The following LRRTM4 variants were observed in gnomAD, a reference collection of about 807,000 sequenced individuals.
LRRTM4 encodes the protein leucine rich repeat transmembrane neuronal 4.
A neutral mutation model predicts 47.6 loss-of-function variants in LRRTM4; 25 were observed. The ratio of observed to expected loss-of-function variants is 0.53; its 90% CI spans 0.38 to 0.73. The LOEUF (loss-of-function observed/expected upper bound fraction) is 0.73, where lower values mean the gene tolerates loss of function less well. Ranked by LOEUF, LRRTM4 falls within the 30% of genes least tolerant of loss-of-function variation. LRRTM4 has a pLI of 0.00. For synonymous variants in LRRTM4, 311 were observed against 269.5 expected, an observed-to-expected ratio of 1.15 and a Z score of -1.51; for missense variants, 638 against 713.4, an observed-to-expected ratio of 0.89 and a Z score of 1.20.
rs1290741954 is a variant in LRRTM4 at position 77,109,838 on chromosome 2, A to T, written c.1552-360922T>A. On this transcript the variant is annotated intron_variant, in intron 3 of 3. Transcript: ENST00000409884. ...ACAATTGGAAAAATGAAATAAGAGA[A>T]CATTTAGAACTGAAAAATATAATAA... 1.2e-4 allele frequency among the ~76,000 whole-genome samples: 19 copies of T among 152,136 alleles called. 1 individual carries two copies. The highest frequency in any genetic ancestry group is 1.2e-3 in the Admixed American group (19 of 15,280).
At chr2:76,883,777 G>C (rs1276787472) in intron 3 of LRRTM4, among the ~76,000 whole-genome samples, 2 of 152,098 alleles carry the variant, frequency 1.3e-5, no homozygotes, top group Non-Finnish European at 2.9e-5. Context: ...AACTAAAATA[G>C]AGCACTGCAG....
At chr2:77,367,664 G>T (rs1045056986) in intron 3 of LRRTM4, among the ~76,000 whole-genome samples, 3 of 151,780 alleles carry the variant, frequency 2.0e-5, no homozygotes, top group Admixed American at 1.3e-4. Flanking sequence ...AAGAACAGAG[G>T]AAATTACAGA....
chr2:77,456,863 C>T (rs1261494047), intron 3 of LRRTM4, among the ~76,000 whole-genome samples: 1 of 150,418 alleles, frequency 6.6e-6, no homozygotes, highest in Non-Finnish European at 1.5e-5. Context: ...CTTCATTTTC[C>T]CTCATCTTCC....
At chr2:76,883,813 A>C (rs1672995856) in intron 3 of LRRTM4, among the ~76,000 whole-genome samples, 1 of 152,162 alleles carries the variant, frequency 6.6e-6, no homozygotes, top group Admixed American at 6.5e-5. Context: ...TTGTGAATTG[A>C]CTGGGAGAAA....
At position 76,747,707 on chromosome 2, in the gene LRRTM4, AC is replaced by A. The variant is rs1425450353; in HGVS notation, c.*987del. On this transcript the variant is annotated 3_prime_UTR_variant, in exon 4 of 4. Transcript: ENST00000409884. ...GCATTAGGTGGGCTGTGGTATACCA[AC>A]CACAAAATAATATATTTATTTTTCA... 2 of 152,222 alleles carry A rather than the reference AC, an allele frequency of 1.3e-5. No homozygotes were observed. The highest frequency in any genetic ancestry group is 4.8e-5 in the African/African-American group (2 of 41,450). The allele number at this position is 152,222 out of a possible 1,614,324, so 9.4% of individuals were successfully genotyped here.
intron 3 of LRRTM4, among the ~76,000 whole-genome samples, chr2:77,219,993 T>C (rs1435848649): frequency 6.6e-6 from 1 of 152,088 alleles, no homozygotes; most frequent in African/African-American, 2.4e-5. Flanking sequence ...GGCCGGATAC[T>C]CCTCTGAGAC....
At chr2:77,492,549 G>T (rs1430891214) in intron 3 of LRRTM4, among the ~76,000 whole-genome samples, 1 of 152,088 alleles carries the variant, frequency 6.6e-6, no homozygotes, top group Admixed American at 6.6e-5. Context: ...GTGAGCCACT[G>T]CACCTAGCTT....
chr2:76,860,319 A>C lies in LRRTM4; in HGVS notation c.1552-111403T>G, dbSNP rs532197362. ...CAACAAAAAGCAGTCAGAACAGTCC[A>C]TGTTACTAATTTGATATTCGATGAT... On this transcript the variant is annotated intron_variant, in intron 3 of 3. Transcript: ENST00000409884. Among the ~76,000 whole-genome samples, 86 of 152,320 alleles carry C rather than the reference A, an allele frequency of 5.6e-4. No homozygotes were observed. The South Asian group carries it at 9.9e-3, about 18-fold the overall frequency.
At chr2:76,796,976 A>T (rs996148169) in intron 3 of LRRTM4, among the ~76,000 whole-genome samples, 85 of 152,238 alleles carry the variant, frequency 5.6e-4, no homozygotes, top group African/African-American at 2.0e-3. Context: ...GAAAAGACCA[A>T]ATCTACATCT....
intron 3 of LRRTM4, among the ~76,000 whole-genome samples, chr2:77,406,679 T>A (rs1296861273): frequency 6.6e-6 from 1 of 152,160 alleles, no homozygotes; most frequent in Non-Finnish European, 1.5e-5. Context: ...TAGGTGTTAC[T>A]ATTATCATTG....
At chr2:77,305,641 G>A (rs982022255) in intron 3 of LRRTM4, among the ~76,000 whole-genome samples, 24 of 152,198 alleles carry the variant, frequency 1.6e-4, no homozygotes, top group African/African-American at 5.8e-4. Flanking sequence ...GCATATCCAT[G>A]TGTTACTGCA....
At chr2:77,101,528 G>A (rs1229597488) in intron 3 of LRRTM4, among the ~76,000 whole-genome samples, 1 of 152,108 alleles carries the variant, frequency 6.6e-6, no homozygotes, top group Non-Finnish European at 1.5e-5. Context: ...ACCTCCACCT[G>A]ACACCTGAAC....
chr2:76,785,178 A>G (rs1306028705), intron 3 of LRRTM4, among the ~76,000 whole-genome samples: 2 of 152,148 alleles, frequency 1.3e-5, no homozygotes, highest in Non-Finnish European at 2.9e-5. Context: ...TTGTATTGGC[A>G]TTTGCAATTG....
chr2:77,106,527 T>G (rs1287045440), intron 3 of LRRTM4, among the ~76,000 whole-genome samples: 1 of 151,990 alleles, frequency 6.6e-6, no homozygotes. Flanking sequence ...ATACTGGAAT[T>G]AAGTAACACA....
At chr2:76,827,157 TG>T (rs1441205651) in intron 3 of LRRTM4, among the ~76,000 whole-genome samples, 10 of 151,978 alleles carry the variant, frequency 6.6e-5, no homozygotes, top group Non-Finnish European at 1.5e-4. Context: ...GATAATGTGC[TG>T]GCCACACTGA....
chr2:77,090,099 C>A (rs958414021), intron 3 of LRRTM4, among the ~76,000 whole-genome samples: 1 of 152,170 alleles, frequency 6.6e-6, no homozygotes, highest in South Asian at 2.1e-4. Context: ...TCTTCCTCCG[C>A]CTCTGCTCCT....
At chr2:76,937,728 G>T (rs1257991069) in intron 3 of LRRTM4, among the ~76,000 whole-genome samples, 1 of 151,960 alleles carries the variant, frequency 6.6e-6, no homozygotes, top group Admixed American at 6.6e-5. Context: ...CACCACACCG[G>T]GCTAATTTTT....
intron 3 of LRRTM4, among the ~76,000 whole-genome samples, chr2:76,952,198 T>A (rs573965501): frequency 6.6e-6 from 1 of 151,980 alleles, no homozygotes; most frequent in East Asian, 1.9e-4. Context: ...AGGGAAGAGA[T>A]AGTTTGACTT....
chr2:76,957,526 G>T (rs1386932565), intron 3 of LRRTM4, among the ~76,000 whole-genome samples: 1 of 151,546 alleles, frequency 6.6e-6, no homozygotes, highest in Non-Finnish European at 1.5e-5. Context: ...AGATTTACTG[G>T]AGATTCTATT....
Sources: allele counts gnomAD v4.1 joint callset (sites outside exome capture counted in the v4.1 genomes callset), GRCh38; gene constraint gnomAD v4.1.1; transcripts MANE v1.5; gene names NCBI Gene and HGNC (gene_info 2026-07-23, HGNC 2026-07-21).